Variants in PTPRS observed in about 807,000 individuals in gnomAD.
PTPRS encodes protein tyrosine phosphatase receptor type S, also known as receptor-type tyrosine-protein phosphatase S.
A neutral mutation model predicts 215.3 loss-of-function variants in PTPRS; 63 were observed. The observed-to-expected ratio is 0.29, with a 90% CI of 0.24 to 0.36. PTPRS has a LOEUF of 0.36. Ranked by LOEUF, PTPRS falls within the 10% of genes least tolerant of loss-of-function variation. The probability of loss-of-function intolerance (pLI) is 1.00; values close to 1 mark genes in which losing one functional copy is unlikely to be tolerated. For synonymous variants in PTPRS, 1,404 were observed against 1,191.4 expected (o/e 1.18, Z -3.68); for missense variants, 2,258 against 2,825.8 (o/e 0.80, Z 4.56).
rs1212901648 is a variant in PTPRS, at chr19:5,223,125, G to A, written c.2667C>T (p.Arg889=). ...ATLEFPPSED[R]YTASGVHKGA... The stretch of plus-strand genomic sequence containing the variant: ...CCTTGTGCACGCCTGATGCCGTGTA[G>A]CGGTCCTCGGAGGGCGGGAACTCCA... Residue 889 remains arginine, a synonymous_variant, in exon 18 of 38, where the codon CGC becomes CGT. Coordinates refer to ENST00000262963, the MANE Select transcript of PTPRS (RefSeq NM_002850.4). 1 of 1,569,542 alleles carries A rather than the reference G, an allele frequency of 6.4e-7. No individual in the cohort carries two copies. The highest frequency in any genetic ancestry group is 1.2e-5 in the South Asian group (1 of 85,622).
At position 5,206,593 on chromosome 19, in the gene PTPRS, C is replaced by A; in HGVS notation, c.*181G>T. On this transcript the variant is annotated 3_prime_UTR_variant, in exon 38 of 38. Coordinates refer to ENST00000262963, the MANE Select transcript of PTPRS (RefSeq NM_002850.4). ...GCCGGTGCCAGGGAGGTCGCTGGGG[C>A]GGCCGGGGCCGGTGGGGGGGCTCGA... 1 of 539,196 alleles carries A rather than the reference C, an allele frequency of 1.9e-6. No individual in the cohort carries two copies. The allele number at this position is 539,196 out of a possible 1,614,324, so 33.4% of individuals were successfully genotyped here. A position where few individuals can be genotyped will look rare whatever the true frequency, so the allele number is the denominator to read the frequency against.
chr19:5,314,534 C>A (rs1429942489), intron 1 of PTPRS, among the ~76,000 whole-genome samples: 1 of 151,804 alleles, frequency 6.6e-6, no homozygotes, highest in Non-Finnish European at 1.5e-5. Context: ...CTCCACCTTT[C>A]TTATTTATTT....
Position 5,212,435 on chromosome 19 carries a change from G to T in PTPRS, c.4671C>A (p.Asp1557Glu). ...VRQFQFTAWP[D>E]HGVPEYPTPF... ...GCGTTGGGTATTCGGGCACGCCATG[G>T]TCCGGCCACGCCGTAAACTGGAACT... Residue 1557 changes from aspartate to glutamate, a missense_variant, in exon 31 of 38, where the codon GAC (aspartate) becomes GAA (glutamate). Transcript: ENST00000262963. 1 of 1,600,206 alleles carries T rather than the reference G, an allele frequency of 6.2e-7. No homozygotes were observed. The highest frequency in any genetic ancestry group is 8.5e-7 in the Non-Finnish European group (1 of 1,173,300).
At chr19:5,270,909 T>C (rs922585950) in intron 4 of PTPRS, among the ~76,000 whole-genome samples, 1 of 152,270 alleles carries the variant, frequency 6.6e-6, no homozygotes, top group African/African-American at 2.4e-5. Flanking sequence ...CCTCCCAAAC[T>C]GCTGGGATTA....
intron 9 of PTPRS, among the ~76,000 whole-genome samples, chr19:5,246,540 G>A (rs35804198): frequency 0.052 from 7,992 of 152,286 alleles, 259 homozygotes; most frequent in Non-Finnish European, 0.067. Flanking sequence ...CCCCTTCGGG[G>A]AGCGCTGGAA....
intron 9 of PTPRS, among the ~76,000 whole-genome samples, chr19:5,249,340 A>G (rs2044790610): frequency 6.6e-6 from 1 of 152,132 alleles, no homozygotes; most frequent in Admixed American, 6.6e-5. Context: ...ACAAACAAAC[A>G]AACAAACGAA....
rs2048498213 is a variant in PTPRS at position 5,287,970 on chromosome 19, A to AGGG, written c.-94-1737_-94-1736insCCC. Among the ~76,000 whole-genome samples, 1 of 28,214 alleles carries AGGG rather than the reference A, an allele frequency of 3.5e-5. No individual in the cohort carries two copies. Among genetic ancestry groups the AGGG allele is most frequent in the East Asian group, 1.2e-3 (1 of 824 alleles). 18.5% of individuals were successfully genotyped at this position (28,214 alleles called of 152,430 possible). A position where few individuals can be genotyped will look rare whatever the true frequency, so the allele number is the denominator to read the frequency against. On this transcript the variant is annotated intron_variant, in intron 1 of 37. Transcript: ENST00000262963. The surrounding 1 kb of genome is among the most constrained non-coding windows in gnomAD (Gnocchi z 4.8). ...AGTCAGGCAGCAGAGACGGGCACACACACACACACACACACACACACACAC... is the reference window on the plus strand; with the variant it reads ...AGTCAGGCAGCAGAGACGGGCACACAGGGCACACACACACACACACACACACAC...
intron 5 of PTPRS, 36 bp from the exon 6 acceptor site, chr19:5,263,008 C>G (rs766124762): frequency 6.6e-7 from 1 of 1,511,024 alleles, no homozygotes; most frequent in East Asian, 2.5e-5. Context: ...GAAAAGAGAA[C>G]AGGAACGTTA....
chr19:5,271,373 T>C (rs377224162), intron 4 of PTPRS, among the ~76,000 whole-genome samples: 1 of 151,664 alleles, frequency 6.6e-6, no homozygotes. Flanking sequence ...CCCCTTGTGG[T>C]GAGAACCATT....
chr19:5,291,888 AG>A (rs1027220607), intron 1 of PTPRS, among the ~76,000 whole-genome samples: 74 of 149,256 alleles, frequency 5.0e-4, no homozygotes, highest in African/African-American at 1.7e-3. Context: ...CCCCCATGCC[AG>A]GCTTCCCTTG....
chr19:5,225,780 A>G lies in PTPRS; in HGVS notation c.2441T>C (p.Met814Thr), dbSNP rs1338543715. The change falls in exon 17 of 38, where the codon ATG becomes ACG. Residue 814 changes from methionine to threonine, a missense_variant. Coordinates refer to ENST00000262963, the MANE Select transcript of PTPRS (RefSeq NM_002850.4). The part of the protein sequence containing the change: ...AYSITVAAYT[M>T]KGDGARSKPK... ...TTTGCTGCGAGCGCCATCGCCCTTC[A>G]TGGTGTAGGCGGCTACCGTGATGGA... 1 of 1,614,010 alleles carries G rather than the reference A, an allele frequency of 6.2e-7. No individual in the cohort carries two copies. The highest frequency in any genetic ancestry group is 8.5e-7 in the Non-Finnish European group (1 of 1,179,970).
Position 5,231,542 on chromosome 19 carries a change from C to T in PTPRS, c.1923G>A (p.Pro641=), listed in dbSNP as rs752319827. Residue 641 remains proline, a synonymous_variant, in exon 14 of 38, where the codon CCG becomes CCA. Coordinates refer to ENST00000262963, the MANE Select transcript of PTPRS (RefSeq NM_002850.4). The part of the protein sequence containing the change: ...RSTAILVSWR[P]PPPETHNGAL... ...CCCCGTTGTGCGTTTCCGGCGGCGG[C>T]GGGCGCCAACTTACCAAAATGGCCG... 20 of 1,609,488 alleles carry T rather than the reference C, an allele frequency of 1.2e-5. No homozygotes were observed. Among genetic ancestry groups the T allele is most frequent in the Admixed American group, 1.0e-4 (6 of 59,570 alleles).
At position 5,275,369 on chromosome 19, in the gene PTPRS, CTTCTTTTCTTT is replaced by C. The variant is rs1251202304; in HGVS notation, c.92-1036_92-1026del. On this transcript the variant is annotated intron_variant, in intron 2 of 37. Coordinates refer to ENST00000262963, the MANE Select transcript of PTPRS (RefSeq NM_002850.4). ...ACAGGCATGAGCCGCTGCACCCAGC[CTTCTTTTCTTT>C]TTCTTTTCTTTTTTTTTTTCCTGAG... Among the ~76,000 whole-genome samples, 19 of 148,972 alleles carry C rather than the reference CTTCTTTTCTTT, an allele frequency of 1.3e-4. No individual in the cohort carries two copies. The East Asian group carries it at 1.4e-3, about 11-fold the overall frequency.
intron 1 of PTPRS, among the ~76,000 whole-genome samples, chr19:5,303,258 G>A (rs1449734377): frequency 2.0e-5 from 3 of 152,258 alleles, no homozygotes; most frequent in African/African-American, 7.2e-5. Flanking sequence ...GCTGATTTTT[G>A]TGGGTCTGAA....
intron 16 of PTPRS, among the ~76,000 whole-genome samples, chr19:5,228,075 C>A (rs976150513): frequency 6.6e-6 from 1 of 151,876 alleles, no homozygotes; most frequent in Non-Finnish European, 1.5e-5. Context: ...AGGGTCTCTG[C>A]GAGAAGAGCA....
chr19:5,271,786 G>A (rs1412824685), intron 4 of PTPRS, among the ~76,000 whole-genome samples: 4 of 151,872 alleles, frequency 2.6e-5, no homozygotes, highest in Non-Finnish European at 4.4e-5. Context: ...GTGCAATGGT[G>A]TGATCTCAGC....
Position 5,245,920 on chromosome 19 carries a change from C to G in PTPRS, c.844G>C (p.Ala282Pro). Residue 282 changes from alanine (A) to proline (P), a missense_variant, in exon 10 of 38, where the codon GCC becomes CCC. Ala to Pro is a conservative substitution (Grantham distance 27). Coordinates refer to ENST00000262963, the MANE Select transcript of PTPRS (RefSeq NM_002850.4). ...TCATCCTCGGGGGTCAGGTCCTCGG[C>G]CCCCTGCATCCACTTCACGTATGGC... The part of the protein sequence containing the change: ...PMPYVKWMQG[A>P]EDLTPEDDMP... The G allele has an allele frequency of 1.2e-6, 2 of 1,613,580 alleles. No individual in the cohort carries two copies. The highest frequency in any genetic ancestry group is 1.7e-4 in the Middle Eastern group (1 of 6,058).
At chr19:5,266,862 C>G in intron 4 of PTPRS, among the ~76,000 whole-genome samples, 1 of 152,138 alleles carries the variant, frequency 6.6e-6, no homozygotes, top group African/African-American at 2.4e-5. Context: ...CTGTTCTGTT[C>G]CCTCAGCCTG....
At chr19:5,314,744 A>C (rs1455820878) in intron 1 of PTPRS, among the ~76,000 whole-genome samples, 2 of 151,780 alleles carry the variant, frequency 1.3e-5, no homozygotes, top group African/African-American at 4.9e-5. Flanking sequence ...TTTGTGCCTG[A>C]GGACAGAGCC....
Sources: allele counts gnomAD v4.1 joint callset (sites outside exome capture counted in the v4.1 genomes callset), GRCh38; gene constraint gnomAD v4.1.1; non-coding constraint Gnocchi (gnomAD v3.1); transcripts MANE v1.5; gene names NCBI Gene and HGNC (gene_info 2026-07-23, HGNC 2026-07-21).